Variants in CSGALNACT1 observed in about 807,000 individuals in gnomAD.
CSGALNACT1 encodes the protein chondroitin sulfate N-acetylgalactosaminyltransferase 1, also known as beta4GalNAcT-1.
In CSGALNACT1, 52 loss-of-function variants were observed where a neutral mutation model predicts 51.0. The observed-to-expected ratio is 1.02, with a 90% CI of 0.82 to 1.29. The LOEUF (loss-of-function observed/expected upper bound fraction) is 1.29, where lower values mean the gene tolerates loss of function less well. Among genes scored for constraint, CSGALNACT1 ranks in the 50% most tolerant of loss-of-function variants. The probability of loss-of-function intolerance (pLI) is 0.00; values close to 1 mark genes in which losing one functional copy is unlikely to be tolerated. For synonymous variants in CSGALNACT1, 341 were observed against 254.4 expected (o/e 1.34, Z -3.24); for missense variants, 935 against 679.2 (o/e 1.38, Z -4.19).
intron 1 of CSGALNACT1, among the ~76,000 whole-genome samples, chr8:19,666,627 G>T (rs983149967): frequency 1.3e-5 from 2 of 151,306 alleles, no homozygotes; most frequent in African/African-American, 4.9e-5. Flanking sequence ...CAACCCAGGA[G>T]GCAGAGGTTA....
At chr8:19,536,461 A>C (rs990706792) in intron 3 of CSGALNACT1, among the ~76,000 whole-genome samples, 1 of 152,200 alleles carries the variant, frequency 6.6e-6, no homozygotes, top group Admixed American at 6.5e-5. Context: ...TAAATCTAAC[A>C]AGATATGTAC....
intron 3 of CSGALNACT1, among the ~76,000 whole-genome samples, chr8:19,514,681 G>T (rs1466931175): frequency 8.1e-5 from 12 of 148,278 alleles, no homozygotes; most frequent in Admixed American, 7.4e-4. Context: ...ATACAGAAGA[G>T]AATTAGCCTG....
intron 6 of CSGALNACT1, among the ~76,000 whole-genome samples, chr8:19,433,751 C>A (rs945102044): frequency 6.6e-6 from 1 of 151,952 alleles, no homozygotes; most frequent in Non-Finnish European, 1.5e-5. Flanking sequence ...CAACCCAACA[C>A]AACATCATAA....
intron 3 of CSGALNACT1, among the ~76,000 whole-genome samples, chr8:19,552,375 T>C (rs1256408842): frequency 6.6e-6 from 1 of 152,166 alleles, no homozygotes; most frequent in East Asian, 1.9e-4. Context: ...ATATTAAAAG[T>C]GAAAATGGGC....
chr8:19,622,302 C>A (rs1019933494), intron 1 of CSGALNACT1, among the ~76,000 whole-genome samples: 5 of 152,102 alleles, frequency 3.3e-5, no homozygotes, highest in African/African-American at 1.2e-4. Flanking sequence ...GATGTAATTC[C>A]AAGCACTATC....
At chr8:19,657,155 A>T (rs2058353913) in intron 1 of CSGALNACT1, among the ~76,000 whole-genome samples, 1 of 152,098 alleles carries the variant, frequency 6.6e-6, no homozygotes, top group Non-Finnish European at 1.5e-5. Context: ...AACTAGACAC[A>T]GCTGAAGAGA....
intron 3 of CSGALNACT1, among the ~76,000 whole-genome samples, chr8:19,533,963 G>T (rs930901673): frequency 6.6e-6 from 1 of 152,060 alleles, no homozygotes; most frequent in African/African-American, 2.4e-5. Flanking sequence ...TTTTTGGCAT[G>T]TCTCTCCCTA....
chr8:19,487,705 C>CA (rs139479239), intron 4 of CSGALNACT1, among the ~76,000 whole-genome samples: 2,443 of 152,004 alleles, frequency 0.016, 75 homozygotes, highest in African/African-American at 0.056. Flanking sequence ...TAGTTTTCCA[C>CA]AAAAAAGGGT....
intron 1 of CSGALNACT1, among the ~76,000 whole-genome samples, chr8:19,699,684 G>A (rs909708956): frequency 6.6e-6 from 1 of 152,240 alleles, no homozygotes; most frequent in Non-Finnish European, 1.5e-5. Context: ...AATTTTGCAA[G>A]ATGAAGAGTT....
At chr8:19,591,645 C>T (rs938469860) in intron 2 of CSGALNACT1, among the ~76,000 whole-genome samples, 2 of 152,088 alleles carry the variant, frequency 1.3e-5, no homozygotes, top group African/African-American at 4.8e-5. Context: ...AGCATTTAGG[C>T]TGTGTGGAGT....
intron 4 of CSGALNACT1, among the ~76,000 whole-genome samples, chr8:19,494,204 C>T (rs1190519211): frequency 6.6e-6 from 1 of 152,192 alleles, no homozygotes; most frequent in Non-Finnish European, 1.5e-5. Context: ...GATGCGCCAG[C>T]ACTAACTGGT....
intron 3 of CSGALNACT1, among the ~76,000 whole-genome samples, chr8:19,531,149 A>G (rs913434128): frequency 1.3e-5 from 2 of 152,244 alleles, no homozygotes; most frequent in Non-Finnish European, 2.9e-5. Flanking sequence ...AACTCTTCAG[A>G]GATAGAGCTA....
chr8:19,505,373 C>T, exon 4 of CSGALNACT1: 1 of 1,614,232 alleles, frequency 6.2e-7, no homozygotes. Flanking sequence ...GGTACACCTT[C>T]TGTAGAGTAA....
Position 19,664,899 on chromosome 8 carries a change from G to T in CSGALNACT1, c.-544+17574C>A, listed in dbSNP as rs531008723. ...TGGAGATTACTAATGGGAGGATGGG[G>T]GGTGAGAGACAACAAATTACGTAAT... On this transcript the variant is annotated intron_variant, in intron 1 of 9. Transcript: ENST00000332246. Among the ~76,000 whole-genome samples the T allele has an allele frequency of 2.6e-5, 4 of 152,304 alleles. No homozygotes were observed. The South Asian group carries it at 8.3e-4, about 32-fold the overall frequency.
At chr8:19,723,201 A>G (rs1018312674) in intron 1 of CSGALNACT1, among the ~76,000 whole-genome samples, 1 of 152,174 alleles carries the variant, frequency 6.6e-6, no homozygotes, top group Admixed American at 6.5e-5. Flanking sequence ...GATCAGTCTT[A>G]TTTCCCTTAT....
At chr8:19,457,899 A>C in intron 5 of CSGALNACT1, 1 of 857,524 alleles carries the variant, frequency 1.2e-6, no homozygotes, top group Admixed American at 2.2e-5. Flanking sequence ...TTCTACACTT[A>C]AGTCTAAGAT....
intron 1 of CSGALNACT1, among the ~76,000 whole-genome samples, chr8:19,659,808 C>G (rs2058609580): frequency 6.6e-6 from 1 of 152,308 alleles, no homozygotes; most frequent in East Asian, 1.9e-4. Flanking sequence ...GTGACCAAAG[C>G]ACATAACCCT....
At chr8:19,404,768 T>C (rs1563230101) in exon 10 of CSGALNACT1, 1 of 454,582 alleles carries the variant, frequency 2.2e-6, no homozygotes, top group Admixed American at 2.3e-5. Context: ...AAATGTGGTT[T>C]CTGACTTTTA....
At chr8:19,598,181 A>G (rs1451390542) in intron 2 of CSGALNACT1, among the ~76,000 whole-genome samples, 11 of 152,208 alleles carry the variant, frequency 7.2e-5, no homozygotes, top group African/African-American at 2.7e-4. Context: ...AGCTCAAAAC[A>G]GAATGGGAAA....
Sources: allele counts gnomAD v4.1 joint callset (sites outside exome capture counted in the v4.1 genomes callset), GRCh38; gene constraint gnomAD v4.1.1; transcripts MANE v1.5; gene names NCBI Gene and HGNC (gene_info 2026-07-23, HGNC 2026-07-21).